The following GRM3 variants were observed in gnomAD, a reference collection of about 807,000 sequenced individuals.
GRM3 encodes the protein metabotropic glutamate receptor 3.
GRM3 carries 26 observed loss-of-function variants against 70.5 expected under a neutral mutation model. The ratio of observed to expected loss-of-function variants is 0.37; its 90% confidence interval spans 0.27 to 0.51. The LOEUF (loss-of-function observed/expected upper bound fraction) is 0.51, where lower values mean the gene tolerates loss of function less well. GRM3 is among the 20% of genes least tolerant of loss of function. The pLI, the probability that GRM3 is intolerant of heterozygous loss-of-function variation, is 0.93. For missense variants in GRM3, 859 were observed against 1,123.8 expected (o/e 0.76, Z 3.37); for synonymous variants, 443 against 434.9 (o/e 1.02, Z -0.23).
intron 3 of GRM3, among the ~76,000 whole-genome samples, chr7:86,811,147 A>G (rs1236517854): frequency 6.6e-6 from 1 of 151,982 alleles, no homozygotes; most frequent in African/African-American, 2.4e-5. Flanking sequence ...ACTCATGTGA[A>G]CCATAAATTT....
At chr7:86,672,167 A>G (rs1449889420) in intron 1 of GRM3, among the ~76,000 whole-genome samples, 1 of 152,210 alleles carries the variant, frequency 6.6e-6, no homozygotes, top group East Asian at 1.9e-4. Context: ...GTAGTGGGAA[A>G]TCAGTTAGGC....
At chr7:86,766,108 C>T (rs1488539071) in intron 2 of GRM3, among the ~76,000 whole-genome samples, 1 of 152,118 alleles carries the variant, frequency 6.6e-6, no homozygotes, top group African/African-American at 2.4e-5. Flanking sequence ...GCAAAAGCAA[C>T]TCACAGGGCT....
intron 1 of GRM3, among the ~76,000 whole-genome samples, chr7:86,678,144 C>T (rs988240448): frequency 1.3e-5 from 2 of 151,992 alleles, no homozygotes; most frequent in African/African-American, 4.8e-5. Context: ...GTATATTAGA[C>T]TATGAATAGT....
At chr7:86,667,167 A>G (rs1455344257) in intron 1 of GRM3, among the ~76,000 whole-genome samples, 2 of 152,070 alleles carry the variant, frequency 1.3e-5, no homozygotes, top group Admixed American at 6.6e-5. Flanking sequence ...GATGTTCTAC[A>G]TATACCAGGT....
chr7:86,661,218 C>T (rs1453099388), intron 1 of GRM3, among the ~76,000 whole-genome samples: 1 of 151,920 alleles, frequency 6.6e-6, no homozygotes, highest in East Asian at 1.9e-4. Flanking sequence ...ACTAGATTTG[C>T]TTAATGCTTT....
chr7:86,757,777 G>GT lies in GRM3; in HGVS notation c.-140-7220dup, dbSNP rs149731388. Among the ~76,000 whole-genome samples, 526 of 151,132 alleles carry GT rather than the reference G, an allele frequency of 3.5e-3. 2 individuals carry two copies. The highest frequency in any genetic ancestry group is 5.0e-3 in the Non-Finnish European group (340 of 67,678). On this transcript the variant is annotated intron_variant, in intron 1 of 5. Transcript: ENST00000361669. Reference sequence around the variant, plus strand: ...GGTAACCATGGGGTTTCCCTCATGTGTTTTTTTTTCTGTCAAAGATCATAG... The same window carrying GT: ...GGTAACCATGGGGTTTCCCTCATGTGTTTTTTTTTTCTGTCAAAGATCATAG...
chr7:86,734,096 G>T (rs895450879), intron 1 of GRM3, among the ~76,000 whole-genome samples: 1 of 152,164 alleles, frequency 6.6e-6, no homozygotes. Context: ...AAGAAAGTAG[G>T]GGGGAGAAAA....
chr7:86,844,270 G>A (rs1798613124), intron 4 of GRM3, among the ~76,000 whole-genome samples: 1 of 152,108 alleles, frequency 6.6e-6, no homozygotes, highest in African/African-American at 2.4e-5. Flanking sequence ...ATATTCCACT[G>A]AAGAAAATAT....
intron 3 of GRM3, among the ~76,000 whole-genome samples, chr7:86,831,409 G>T (rs560804807): frequency 3.9e-5 from 6 of 152,222 alleles, no homozygotes; most frequent in Admixed American, 3.9e-4. Flanking sequence ...TAATGAAGAG[G>T]GCAAGAGTTG....
intron 1 of GRM3, among the ~76,000 whole-genome samples, chr7:86,698,209 C>A (rs1374442942): frequency 6.6e-6 from 1 of 152,078 alleles, no homozygotes; most frequent in Admixed American, 6.6e-5. Context: ...GTCCTCACCT[C>A]TTTGAATCAA....
At chr7:86,719,238 A>T (rs1175833244) in intron 1 of GRM3, among the ~76,000 whole-genome samples, 1 of 152,048 alleles carries the variant, frequency 6.6e-6, no homozygotes, top group African/African-American at 2.4e-5. Context: ...GTTATTTAGT[A>T]TAAAATCAAA....
chr7:86,736,625 T>C (rs1795867063), intron 1 of GRM3, among the ~76,000 whole-genome samples: 1 of 152,126 alleles, frequency 6.6e-6, no homozygotes, highest in Admixed American at 6.5e-5. Flanking sequence ...ATCTTCCACA[T>C]GTGGTTTCCA....
intron 1 of GRM3, among the ~76,000 whole-genome samples, chr7:86,724,449 C>T (rs1795545134): frequency 6.6e-6 from 1 of 152,070 alleles, no homozygotes; most frequent in African/African-American, 2.4e-5. Flanking sequence ...GAATTGAAGA[C>T]TCAATTTCCA....
At chr7:86,729,465 T>C (rs1795673015) in intron 1 of GRM3, among the ~76,000 whole-genome samples, 1 of 152,226 alleles carries the variant, frequency 6.6e-6, no homozygotes, top group Admixed American at 6.5e-5. Context: ...TTGAACAAAA[T>C]GTTAGTTTAT....
intron 1 of GRM3, among the ~76,000 whole-genome samples, chr7:86,745,168 C>T (rs1341324177): frequency 6.6e-6 from 1 of 152,046 alleles, no homozygotes; most frequent in Admixed American, 6.6e-5. Flanking sequence ...AATGTCTGGG[C>T]GTTTGGCCAC....
intron 1 of GRM3, among the ~76,000 whole-genome samples, chr7:86,726,457 T>G (rs546312826): frequency 6.6e-6 from 1 of 152,218 alleles, no homozygotes; most frequent in Non-Finnish European, 1.5e-5. Context: ...TTGCAATATA[T>G]AGTTCAGAGT....
At chr7:86,771,615 G>A (rs76345329) in intron 2 of GRM3, among the ~76,000 whole-genome samples, 5,593 of 151,894 alleles carry the variant, frequency 0.037, 327 homozygotes, top group African/African-American at 0.13. Context: ...TGGAGTAGAG[G>A]GAACATAAAA....
chr7:86,646,395 C>T (rs1793473710), intron 1 of GRM3, among the ~76,000 whole-genome samples: 1 of 152,114 alleles, frequency 6.6e-6, no homozygotes, highest in African/African-American at 2.4e-5. Flanking sequence ...TTTGATCACC[C>T]AGCAGGAGTA....
intron 3 of GRM3, among the ~76,000 whole-genome samples, chr7:86,835,640 T>A (rs1469942488): frequency 1.3e-5 from 2 of 152,216 alleles, no homozygotes; most frequent in African/African-American, 4.8e-5. Flanking sequence ...AGATGGGATC[T>A]CACTCTGTCA....
Sources: gnomAD v4.1 joint callset for allele counts (sites outside exome capture counted in the v4.1 genomes callset) on GRCh38, gnomAD v4.1.1 for gene constraint, MANE v1.5 for transcripts, NCBI Gene and HGNC (gene_info 2026-07-23, HGNC 2026-07-21) for gene names.